The following SLC25A21 variants were observed in gnomAD, a reference collection of about 807,000 sequenced individuals.
SLC25A21 encodes solute carrier family 25 member 21.
SLC25A21 carries 47 observed loss-of-function variants against 43.8 expected under a neutral mutation model. The observed-to-expected ratio is 1.07, with a 90% CI of 0.85 to 1.37. The LOEUF is 1.37. SLC25A21 is among the 40% of genes most tolerant of loss of function. The pLI is 0.00. For missense variants in SLC25A21, 352 were observed against 350.2 expected (o/e 1.00, Z -0.04); for synonymous variants, 131 against 121.3 (o/e 1.08, Z -0.52).
At chr14:36,960,818 A>T (rs1215440250) in intron 1 of SLC25A21, among the ~76,000 whole-genome samples, 1 of 152,216 alleles carries the variant, frequency 6.6e-6, no homozygotes, top group Non-Finnish European at 1.5e-5. Context: ...CTATCTAAAC[A>T]GTAGTGGTGA....
At chr14:37,081,555 G>A (rs1962388706) in intron 1 of SLC25A21, among the ~76,000 whole-genome samples, 1 of 152,108 alleles carries the variant, frequency 6.6e-6, no homozygotes, top group Non-Finnish European at 1.5e-5. Context: ...TTTCTGATTG[G>A]TTAATTTATA....
intron 1 of SLC25A21, among the ~76,000 whole-genome samples, chr14:36,918,398 G>A (rs144437272): frequency 5.3e-4 from 81 of 152,236 alleles, no homozygotes; most frequent in African/African-American, 1.8e-3. Flanking sequence ...TGATAAGCAC[G>A]TATTTCTCAA....
intron 1 of SLC25A21, among the ~76,000 whole-genome samples, chr14:37,164,332 C>T (rs570008578): frequency 6.6e-6 from 1 of 152,224 alleles, no homozygotes; most frequent in East Asian, 1.9e-4. Flanking sequence ...TTGCTTCCTC[C>T]TATGTGCTTG....
intron 3 of SLC25A21, among the ~76,000 whole-genome samples, chr14:36,769,057 T>C (rs1420472058): frequency 6.6e-6 from 1 of 152,218 alleles, no homozygotes; most frequent in African/African-American, 2.4e-5. Flanking sequence ...TTATACTGCC[T>C]TCACAAAGCA....
At chr14:36,803,648 T>C (rs1413037851) in intron 3 of SLC25A21, among the ~76,000 whole-genome samples, 2 of 152,218 alleles carry the variant, frequency 1.3e-5, no homozygotes, top group East Asian at 1.9e-4. Context: ...GATTTTTTGG[T>C]ATCTTGTTTT....
chr14:36,874,734 T>A (rs369950702), intron 2 of SLC25A21, among the ~76,000 whole-genome samples: 484 of 152,362 alleles, frequency 3.2e-3, no homozygotes, highest in African/African-American at 0.011. Context: ...GGTTGTCATA[T>A]AAAGGCAGTA....
chr14:36,971,592 C>T (rs751564978), intron 1 of SLC25A21, among the ~76,000 whole-genome samples: 5 of 151,962 alleles, frequency 3.3e-5, no homozygotes, highest in Non-Finnish European at 7.4e-5. Context: ...TGCTATGGTC[C>T]GCTGCTCCCT....
intron 1 of SLC25A21, among the ~76,000 whole-genome samples, chr14:36,938,216 T>G (rs2138645556): frequency 6.6e-6 from 1 of 152,244 alleles, no homozygotes; most frequent in South Asian, 2.1e-4. Context: ...CGAGAAGCCT[T>G]CTCCTGGCAA....
At chr14:37,146,247 C>T (rs772041191) in intron 1 of SLC25A21, among the ~76,000 whole-genome samples, 1 of 152,158 alleles carries the variant, frequency 6.6e-6, no homozygotes, top group Non-Finnish European at 1.5e-5. Flanking sequence ...TAGGGATACA[C>T]CAGAGTACCA....
chr14:37,044,750 T>C (rs1353730486), intron 1 of SLC25A21, among the ~76,000 whole-genome samples: 1 of 152,188 alleles, frequency 6.6e-6, no homozygotes, highest in African/African-American at 2.4e-5. Context: ...GGAAGCTACA[T>C]AATGAAGAAT....
chr14:36,685,231 T>C (rs1339423138), intron 7 of SLC25A21, among the ~76,000 whole-genome samples: 1 of 152,220 alleles, frequency 6.6e-6, no homozygotes, highest in Non-Finnish European at 1.5e-5. Flanking sequence ...CTTCACAATG[T>C]ACTTAGTATT....
At chr14:37,036,327 C>T (rs938456790) in intron 1 of SLC25A21, among the ~76,000 whole-genome samples, 5 of 152,238 alleles carry the variant, frequency 3.3e-5, no homozygotes, top group Admixed American at 3.3e-4. Context: ...TCTTCCCATA[C>T]AATGATATGT....
At chr14:36,956,081 C>G (rs1959334467) in intron 1 of SLC25A21, among the ~76,000 whole-genome samples, 1 of 152,136 alleles carries the variant, frequency 6.6e-6, no homozygotes, top group South Asian at 2.1e-4. Context: ...AGATACCCCC[C>G]ACTATATACG....
At position 37,094,981 on chromosome 14, in the gene SLC25A21, A is replaced by C. The variant is rs570315673; in HGVS notation, c.70+77300T>G. On this transcript the variant is annotated intron_variant, in intron 1 of 9. Transcript: ENST00000331299. ...TGGGTATTCTCACCACACACACAAA[A>C]AAAAAGTAAGTATGTGAAATGATAT... 5.2e-4 allele frequency among the ~76,000 whole-genome samples: 79 copies of C among 152,324 alleles called. 2 individuals carry two copies. In the South Asian group the frequency reaches 8.1e-3, roughly 16 times the overall value.
At chr14:36,686,144 C>T (rs1035836042) in intron 7 of SLC25A21, among the ~76,000 whole-genome samples, 5 of 152,158 alleles carry the variant, frequency 3.3e-5, no homozygotes, top group African/African-American at 1.2e-4. Flanking sequence ...CTGAAATTTT[C>T]AACTGAACCA....
intron 1 of SLC25A21, among the ~76,000 whole-genome samples, chr14:36,917,612 T>C (rs1420408152): frequency 2.0e-5 from 3 of 152,102 alleles, no homozygotes; most frequent in African/African-American, 4.8e-5. Flanking sequence ...AACAGAACAA[T>C]TGAGCCACGA....
At chr14:36,976,032 G>A (rs1199913235) in intron 1 of SLC25A21, among the ~76,000 whole-genome samples, 2 of 152,178 alleles carry the variant, frequency 1.3e-5, no homozygotes, top group Non-Finnish European at 2.9e-5. Context: ...CAGATCAAAA[G>A]GACAGCAGCA....
rs1566783913 is a variant in SLC25A21, at chr14:36,974,533, T to C, written c.71-99529A>G. On this transcript the variant is annotated intron_variant, in intron 1 of 9. Coordinates refer to ENST00000331299, the MANE Select transcript of SLC25A21 (RefSeq NM_030631.4). ...TTCTGAGGCACCAAATACTTTGCTATGAAAACTTACTTGCCCTAGAAAATT... is the reference window on the plus strand; with the variant it reads ...TTCTGAGGCACCAAATACTTTGCTACGAAAACTTACTTGCCCTAGAAAATT... Among the ~76,000 whole-genome samples, 3 of 152,324 alleles carry C rather than the reference T, an allele frequency of 2.0e-5. 1 individual carries two copies. The East Asian group carries it at 5.8e-4, about 29-fold the overall frequency.
chr14:36,813,996 T>C lies in SLC25A21; in HGVS notation c.125A>G (p.Gln42Arg). 1 of 1,600,024 alleles carries C rather than the reference T, an allele frequency of 6.2e-7. No homozygotes were observed. Among genetic ancestry groups the C allele is most frequent in the Non-Finnish European group, 8.5e-7 (1 of 1,176,448 alleles). Residue 42 changes from glutamine (Q) to arginine (R), a missense_variant, in exon 3 of 10, where the codon CAG becomes CGG. Gln to Arg is a conservative substitution (Grantham distance 43, BLOSUM62 1). Transcript: ENST00000331299. The stretch of plus-strand genomic sequence containing the variant: ...TGGATCGGTTGCACATCTCTGAATC[T>C]GAAACCTAGAAGCAAAATCAAACCA... ...HPLDVVKTRF[Q>R]IQRCATDPNS...
Sources: gnomAD v4.1 joint callset for allele counts (sites outside exome capture counted in the v4.1 genomes callset) on GRCh38, gnomAD v4.1.1 for gene constraint, MANE v1.5 for transcripts, NCBI Gene and HGNC (gene_info 2026-07-23, HGNC 2026-07-21) for gene names.